ABR: variants seen among roughly 807,000 people sequenced by gnomAD.
ABR encodes active breakpoint cluster region-related protein.
ABR carries 35 observed loss-of-function variants against 107.2 expected under a neutral mutation model. That is an observed-to-expected ratio of 0.33 (90% confidence interval 0.25 to 0.43). ABR has a LOEUF of 0.43. Ranked by LOEUF, ABR falls within the 20% of genes least tolerant of loss-of-function variation. ABR has a pLI of 1.00. For missense variants in ABR, 815 were observed against 1,115.2 expected, an observed-to-expected ratio of 0.73 and a Z score of 3.83; for synonymous variants, 498 against 462.0, an observed-to-expected ratio of 1.08 and a Z score of -1.00.
rs1567625822 is a variant in ABR at position 1,037,058 on chromosome 17, CCCATCCAT to C, written c.1791+12984_1791+12991del. ...ATCCACCCATCCATCCATCCATCCACCCATCCATCCACCCACCCACCCATCCTTCCATC... is the reference window on the plus strand; with the variant it reads ...ATCCACCCATCCATCCATCCATCCACCCACCCACCCACCCATCCTTCCATC... On this transcript the variant is annotated intron_variant, in intron 16 of 22. Coordinates refer to ENST00000302538, the MANE Select transcript of ABR (RefSeq NM_021962.5). The surrounding 1 kb of genome is among the most constrained non-coding windows in gnomAD (Gnocchi z 4.6). Among the ~76,000 whole-genome samples the C allele has an allele frequency of 2.4e-5, 3 of 127,592 alleles. No homozygotes were observed. The highest frequency in any genetic ancestry group is 3.2e-4 in the South Asian group (1 of 3,098). 83.7% of individuals were successfully genotyped at this position (127,592 alleles called of 152,430 possible).
chr17:1,204,122 G>A lies in ABR; in HGVS notation c.838+24671C>T, dbSNP rs530327987. Among the ~76,000 whole-genome samples, 307 of 152,280 alleles carry A rather than the reference G, an allele frequency of 2.0e-3. 1 individual carries two copies. The highest frequency in any genetic ancestry group is 6.9e-3 in the African/African-American group (286 of 41,568). On this transcript the variant is annotated intron_variant, in intron 1 of 22. Coordinates refer to the ABR transcript ENST00000574139. ...ACCAGGGCTCCTGGATTCCACCAGG[G>A]GCATCTTAGTCCCCAGCGGGGCATT...
chr17:1,084,019 G>T lies in ABR; in HGVS notation c.532-392C>A, dbSNP rs1036997799. ...ATTAGCCGGAGCAGGGAGAGAGGGGGGTGTGTGTGCTGGGGGGAGCTGGCA... is the reference window on the plus strand; with the variant it reads ...ATTAGCCGGAGCAGGGAGAGAGGGGTGTGTGTGTGCTGGGGGGAGCTGGCA... On this transcript the variant is annotated intron_variant, in intron 4 of 22. Transcript: ENST00000302538. The surrounding 1 kb of genome is among the most constrained non-coding windows in gnomAD (Gnocchi z 4.2). Among the ~76,000 whole-genome samples, 5 of 152,134 alleles carry T rather than the reference G, an allele frequency of 3.3e-5. No homozygotes were observed. Among genetic ancestry groups the T allele is most frequent in the Admixed American group, 6.5e-5 (1 of 15,278 alleles).
At position 1,070,474 on chromosome 17, in the gene ABR, G is replaced by A. The variant is rs2256987; in HGVS notation, c.895-384C>T. ...CGGCTAACCCTGGAGCCCCCTGCCC[G>A]GGACGACCTGGTTTCTCCACCCTGG... On this transcript the variant is annotated intron_variant, in intron 8 of 22. Transcript: ENST00000302538. This position sits in a 1 kb window ranked among gnomAD's most constrained non-coding sequence, Gnocchi z 4.2. Among the ~76,000 whole-genome samples the A allele has an allele frequency of 2.3e-4, 35 of 152,140 alleles. No individual in the cohort carries two copies. Among genetic ancestry groups the A allele is most frequent in the African/African-American group, 7.7e-4 (32 of 41,506 alleles).
chr17:1,024,257 C>G (rs945666332), intron 16 of ABR, among the ~76,000 whole-genome samples: 2 of 152,188 alleles, frequency 1.3e-5, no homozygotes, highest in Admixed American at 6.5e-5. Context: ...TTGCCTGTTG[C>G]TATGCACAGC....
At chr17:1,196,757 C>T (rs994761558) in intron 1 of ABR, among the ~76,000 whole-genome samples, 7 of 150,918 alleles carry the variant, frequency 4.6e-5, no homozygotes, top group East Asian at 3.9e-4. Context: ...TGCAGTGGCG[C>T]GATCCTGGCT....
intron 2 of ABR, among the ~76,000 whole-genome samples, chr17:1,108,552 C>T (rs1056845024): frequency 2.6e-5 from 4 of 152,262 alleles, no homozygotes; most frequent in African/African-American, 7.2e-5. Flanking sequence ...TGCCTCAGCT[C>T]GGAGACACCA....
chr17:1,165,824 T>G (rs2041480337), intron 1 of ABR, among the ~76,000 whole-genome samples: 1 of 152,168 alleles, frequency 6.6e-6, no homozygotes, highest in South Asian at 2.1e-4. Context: ...TGGGCCACCA[T>G]GTCCAGCCCC....
intron 16 of ABR, among the ~76,000 whole-genome samples, chr17:1,048,345 G>A (rs779874223): frequency 1.1e-4 from 17 of 152,224 alleles, no homozygotes; most frequent in Non-Finnish European, 2.1e-4. Context: ...AAACACTGGA[G>A]CCTGAGATGG....
At chr17:1,055,064 A>G (rs1403315520) in intron 14 of ABR, among the ~76,000 whole-genome samples, 1 of 152,130 alleles carries the variant, frequency 6.6e-6, no homozygotes, top group Non-Finnish European at 1.5e-5. Flanking sequence ...CCGTGTGGAT[A>G]ACAGGTAGAT....
At chr17:1,198,119 A>T (rs1364000234) in intron 1 of ABR, among the ~76,000 whole-genome samples, 1 of 151,798 alleles carries the variant, frequency 6.6e-6, no homozygotes, top group Admixed American at 6.5e-5. Context: ...ACAACTAACC[A>T]GAAATGAGGA....
At position 1,007,168 on chromosome 17, in the gene ABR, C is replaced by T. The variant is rs111374874; in HGVS notation, c.2487G>A (p.Ala829=). 10 of 1,611,616 alleles carry T rather than the reference C, an allele frequency of 6.2e-6. No individual in the cohort carries two copies. The highest frequency in any genetic ancestry group is 2.7e-5 in the African/African-American group (2 of 74,604). Residue 829 remains alanine, a synonymous_variant, in exon 22 of 23, where the codon GCG becomes GCA. Transcript: ENST00000302538. ...AADIWSHDVM[A]QVQVLLYYLQ... ...GGCCCGGGCGGTGCCAGGGTACCTG[C>T]GCCATGACGTCATGGGACCAGATGT...
intron 1 of ABR, among the ~76,000 whole-genome samples, chr17:1,145,137 G>A (rs958618185): frequency 2.6e-5 from 4 of 152,208 alleles, no homozygotes; most frequent in African/African-American, 9.6e-5. Flanking sequence ...CGAGGTGGTG[G>A]CCCTCTTCTG....
chr17:1,222,692 A>G (rs12946973), intron 1 of ABR, among the ~76,000 whole-genome samples: 91,858 of 152,046 alleles, frequency 0.6, 29,012 homozygotes, highest in African/African-American at 0.78. Flanking sequence ...AGCGAGGATC[A>G]CTTGAGCCCG....
At chr17:1,170,004 GTGT>G (rs2041648944) in intron 1 of ABR, among the ~76,000 whole-genome samples, 11 of 118,120 alleles carry the variant, frequency 9.3e-5, no homozygotes, top group Middle Eastern at 6.3e-3. Flanking sequence ...GTGTGTGTGT[GTGT>G]GGGGGGGGGG....
At chr17:1,077,521 C>T (rs2035828512) in intron 6 of ABR, among the ~76,000 whole-genome samples, 1 of 152,202 alleles carries the variant, frequency 6.6e-6, no homozygotes, top group Non-Finnish European at 1.5e-5. Flanking sequence ...AACAGGGTTC[C>T]TGCAGCCGCC....
At chr17:1,159,253 A>G (rs1436365396) in intron 1 of ABR, among the ~76,000 whole-genome samples, 1 of 144,416 alleles carries the variant, frequency 6.9e-6, no homozygotes, top group Admixed American at 7.0e-5. Flanking sequence ...CACACACGGG[A>G]GAAGTAGGAA....
intron 10 of ABR, among the ~76,000 whole-genome samples, chr17:1,059,713 T>G (rs975748967): frequency 6.6e-6 from 1 of 152,166 alleles, no homozygotes; most frequent in East Asian, 1.9e-4. Flanking sequence ...CCCCCTCCCT[T>G]TTATTAACCA....
intron 16 of ABR, among the ~76,000 whole-genome samples, chr17:1,019,974 A>G (rs573917769): frequency 1.3e-5 from 2 of 152,338 alleles, no homozygotes; most frequent in South Asian, 4.1e-4. Context: ...GGCCACAGGC[A>G]GGAGACAGAA....
In ABR at chr17:1,078,868, C is replaced by A; in HGVS notation, c.700+462G>T. 1 of 1,535,610 alleles carries A rather than the reference C, an allele frequency of 6.5e-7. No individual in the cohort carries two copies. Among genetic ancestry groups the A allele is most frequent in the Non-Finnish European group, 8.7e-7 (1 of 1,146,824 alleles). On this transcript the variant is annotated intron_variant, in intron 6 of 22. Transcript: ENST00000302538. The surrounding 1 kb of genome is among the most constrained non-coding windows in gnomAD (Gnocchi z 7.5). ...ATGAGGAGAATCTCCATGGCAGCCT[C>A]TGTCCCCGCGGCGGGAGCGTGCAGC... is the stretch of plus-strand genomic sequence containing the variant.
Sources: gnomAD v4.1 joint callset for allele counts (sites outside exome capture counted in the v4.1 genomes callset) on GRCh38, gnomAD v4.1.1 for gene constraint, Gnocchi (gnomAD v3.1) non-coding constraint, MANE v1.5 for transcripts, NCBI Gene and HGNC (gene_info 2026-07-23, HGNC 2026-07-21) for gene names.